FBN2: variants seen among roughly 807,000 people sequenced by gnomAD.
FBN2 encodes the protein fibrillin-2.
Under a neutral mutation model 355.6 loss-of-function variants are expected in FBN2, and 105 were observed. That is an observed-to-expected ratio of 0.30 (90% CI 0.25 to 0.35). The LOEUF (loss-of-function observed/expected upper bound fraction) is 0.35. FBN2 is among the 10% of genes least tolerant of loss of function. The pLI is 1.00. For synonymous variants in FBN2, 1,350 were observed against 1,301.2 expected (o/e 1.04, Z -0.81); for missense variants, 3,280 against 3,758.7 (o/e 0.87, Z 3.33).
intron 6 of FBN2, among the ~76,000 whole-genome samples, chr5:128,453,811 C>G (rs1464034273): frequency 6.6e-6 from 1 of 152,126 alleles, no homozygotes; most frequent in African/African-American, 2.4e-5. Flanking sequence ...AAACTCCTCC[C>G]CCAACTTTTT....
intron 12 of FBN2, 133 bp from the exon 13 acceptor site, chr5:128,378,010 T>G: frequency 1.5e-6 from 1 of 665,470 alleles, no homozygotes; most frequent in Non-Finnish European, 2.3e-6. Context: ...TCTCAGCAGT[T>G]TTTTTTTTTT....
chr5:128,302,977 G>A lies in FBN2; in HGVS notation c.5913C>T (p.Cys1971=). The change falls in exon 46 of 65, where the codon TGC becomes TGT. Residue 1971 remains cysteine (C), a synonymous_variant. Transcript: ENST00000262464. ...PGFELTHNND[C]LDIDECSSFF... ...AGGACTGAATGAAGTACTTACCCAG[G>A]CAATCATTATTATGAGTGAGTTCAA... is the stretch of plus-strand genomic sequence containing the variant. The A allele has an allele frequency of 6.7e-7, 1 of 1,487,736 alleles. No individual in the cohort carries two copies. The allele number at this position is 1,487,736 out of a possible 1,614,324, so 92.2% of individuals were successfully genotyped here. A position where few individuals can be genotyped will look rare whatever the true frequency, so the allele number is the denominator to read the frequency against.
intron 8 of FBN2, among the ~76,000 whole-genome samples, chr5:128,401,234 C>A (rs542307524): frequency 6.6e-6 from 1 of 152,106 alleles, no homozygotes; most frequent in South Asian, 2.1e-4. Flanking sequence ...TGGGAGTATG[C>A]AATGATATTG....
chr5:128,395,307 C>T (rs1406769723), intron 8 of FBN2, 33 bp from the exon 9 acceptor site: 1 of 1,612,378 alleles, frequency 6.2e-7, no homozygotes, highest in Admixed American at 1.7e-5. Flanking sequence ...GAAGATATGG[C>T]AGAATTACCT....
intron 11 of FBN2, among the ~76,000 whole-genome samples, chr5:128,390,150 T>C (rs1219626921): frequency 6.6e-6 from 1 of 152,178 alleles, no homozygotes; most frequent in Non-Finnish European, 1.5e-5. Flanking sequence ...AGATCACAGT[T>C]ACTGAGCACA....
intron 55 of FBN2, among the ~76,000 whole-genome samples, chr5:128,281,239 T>A (rs1236694929): frequency 6.6e-6 from 1 of 152,224 alleles, no homozygotes; most frequent in Non-Finnish European, 1.5e-5. Flanking sequence ...CTGTCATGAT[T>A]ACTGATATGT....
chr5:128,371,895 A>G (rs886652753), intron 15 of FBN2, among the ~76,000 whole-genome samples: 2 of 152,212 alleles, frequency 1.3e-5, no homozygotes, highest in African/African-American at 4.8e-5. Flanking sequence ...CAGATTCTAC[A>G]TACCATGAGT....
intron 5 of FBN2, among the ~76,000 whole-genome samples, chr5:128,484,984 T>C (rs1755297991): frequency 6.6e-6 from 1 of 152,092 alleles, no homozygotes; most frequent in Non-Finnish European, 1.5e-5. Context: ...CATTCAATTC[T>C]AGATGTTTAG....
At chr5:128,373,328 G>T (rs1417369056) in intron 15 of FBN2, among the ~76,000 whole-genome samples, 1 of 152,168 alleles carries the variant, frequency 6.6e-6, no homozygotes. Context: ...TCTGTAAGCA[G>T]GAAGAAGTTA....
chr5:128,296,988 T>C (rs188245986), intron 48 of FBN2, among the ~76,000 whole-genome samples: 7,108 of 152,216 alleles, frequency 0.047, 569 homozygotes, highest in African/African-American at 0.16. Flanking sequence ...GCTGTAAATT[T>C]CCCTCTACAC....
chr5:128,389,832 G>C (rs1418254898), intron 11 of FBN2, among the ~76,000 whole-genome samples: 1 of 152,106 alleles, frequency 6.6e-6, no homozygotes, highest in Non-Finnish European at 1.5e-5. Flanking sequence ...CCCCATGAAG[G>C]CTTCCCAGCT....
At chr5:128,480,443 G>A (rs944875229) in intron 5 of FBN2, among the ~76,000 whole-genome samples, 1 of 152,102 alleles carries the variant, frequency 6.6e-6, no homozygotes, top group African/African-American at 2.4e-5. Context: ...TTCCTCATTT[G>A]TAGTATGGAT....
chr5:128,528,992 G>A (rs1330753482), intron 3 of FBN2, among the ~76,000 whole-genome samples: 2 of 152,218 alleles, frequency 1.3e-5, no homozygotes, highest in Non-Finnish European at 2.9e-5. Flanking sequence ...AGAAGCAGCA[G>A]TTACTTAAGC....
chr5:128,411,536 T>C (rs1753062424), intron 7 of FBN2, among the ~76,000 whole-genome samples: 1 of 152,216 alleles, frequency 6.6e-6, no homozygotes, highest in African/African-American at 2.4e-5. Flanking sequence ...TCTCCAACCG[T>C]AGTCTCTGAT....
chr5:128,419,428 A>T (rs954900570), intron 7 of FBN2, among the ~76,000 whole-genome samples: 2 of 152,156 alleles, frequency 1.3e-5, no homozygotes, highest in African/African-American at 4.8e-5. Flanking sequence ...ATTAAGTATG[A>T]TGTTAGTTGT....
At chr5:128,417,802 G>C (rs559672528) in intron 7 of FBN2, among the ~76,000 whole-genome samples, 3 of 152,232 alleles carry the variant, frequency 2.0e-5, no homozygotes, top group South Asian at 2.1e-4. Context: ...ATATTGGCCT[G>C]TAGTTCTTTT....
At chr5:128,335,010 T>C (rs1750797869) in intron 30 of FBN2, among the ~76,000 whole-genome samples, 160 bp downstream of exon 30, 2 of 152,242 alleles carry the variant, frequency 1.3e-5, no homozygotes, top group Non-Finnish European at 2.9e-5. Flanking sequence ...CTTTAGACAT[T>C]TTTAAAAGTA....
chr5:128,496,510 A>C (rs1755658889), intron 5 of FBN2, among the ~76,000 whole-genome samples: 1 of 152,088 alleles, frequency 6.6e-6, no homozygotes, highest in African/African-American at 2.4e-5. Flanking sequence ...CTTCCTCAGC[A>C]TAATAAAGGG....
chr5:128,412,774 G>A (rs1374019213), intron 7 of FBN2, among the ~76,000 whole-genome samples: 1 of 152,196 alleles, frequency 6.6e-6, no homozygotes, highest in Non-Finnish European at 1.5e-5. Flanking sequence ...GTCTATGAAG[G>A]AGTTTAAACA....
Sources: gnomAD v4.1 joint callset for allele counts (sites outside exome capture counted in the v4.1 genomes callset) on GRCh38, gnomAD v4.1.1 for gene constraint, MANE v1.5 for transcripts, NCBI Gene and HGNC (gene_info 2026-07-23, HGNC 2026-07-21) for gene names.